The following ULK4 variants were observed in gnomAD, a reference collection of about 807,000 sequenced individuals.
The protein encoded by ULK4 is inactive serine/threonine-protein kinase ULK4.
ULK4 carries 133 observed loss-of-function variants against 160.6 expected under a neutral mutation model. That is an observed-to-expected ratio of 0.83 (90% CI 0.72 to 0.96). The LOEUF (loss-of-function observed/expected upper bound fraction) is 0.96. Among genes scored for constraint, ULK4 ranks in the 40% least tolerant of loss-of-function variants. The probability of loss-of-function intolerance (pLI) is 0.00; values close to 1 mark genes in which losing one functional copy is unlikely to be tolerated. For synonymous variants in ULK4, 534 were observed against 539.8 expected (o/e 0.99, Z 0.15); for missense variants, 1,580 against 1,499.5 (o/e 1.05, Z -0.89).
rs1002008237 is a variant in ULK4, at chr3:41,848,749, C to T, written c.1657-12778G>A. Reference sequence around the variant, plus strand: ...CCTCAGGAGCTGCCAGGTCCAGCTGCCAGGAATAGCAGACTATTCCAATCT... The same window carrying T: ...CCTCAGGAGCTGCCAGGTCCAGCTGTCAGGAATAGCAGACTATTCCAATCT... On this transcript the variant is annotated intron_variant, in intron 17 of 36. Coordinates refer to ENST00000301831, the MANE Select transcript of ULK4 (RefSeq NM_017886.4). 3.9e-5 allele frequency among the ~76,000 whole-genome samples: 6 copies of T among 152,174 alleles called. No homozygotes were observed. In the East Asian group the frequency reaches 1.2e-3, roughly 29 times the overall value.
At chr3:41,528,992 A>T (rs1283872719) in intron 32 of ULK4, among the ~76,000 whole-genome samples, 1 of 152,192 alleles carries the variant, frequency 6.6e-6, no homozygotes, top group East Asian at 1.9e-4. Context: ...AAGTTAACAA[A>T]AAGATTCCTT....
chr3:41,804,733 A>C (rs1298994842), intron 19 of ULK4, among the ~76,000 whole-genome samples: 1 of 152,212 alleles, frequency 6.6e-6, no homozygotes, highest in Non-Finnish European at 1.5e-5. Flanking sequence ...CATTTATTAA[A>C]TAGGGAATGC....
intron 32 of ULK4, among the ~76,000 whole-genome samples, chr3:41,535,340 C>T (rs1387822488): frequency 6.6e-6 from 1 of 152,164 alleles, no homozygotes; most frequent in East Asian, 1.9e-4. Flanking sequence ...AGAATTCAGC[C>T]TTATGACAAC....
chr3:41,864,343 G>A (rs1308532594), intron 17 of ULK4, among the ~76,000 whole-genome samples: 5 of 145,282 alleles, frequency 3.4e-5, no homozygotes, highest in African/African-American at 1.3e-4. Flanking sequence ...TGGCAATTCA[G>A]AACTGTTTTG....
intron 34 of ULK4, among the ~76,000 whole-genome samples, chr3:41,413,894 T>C (rs1022054151): frequency 9.9e-5 from 15 of 152,222 alleles, no homozygotes; most frequent in Admixed American, 9.2e-4. Context: ...GATAAAAAAA[T>C]CATTTTTAGT....
At chr3:41,343,136 C>T (rs1443154183) in intron 35 of ULK4, among the ~76,000 whole-genome samples, 1 of 152,060 alleles carries the variant, frequency 6.6e-6, no homozygotes, top group Non-Finnish European at 1.5e-5. Flanking sequence ...CCCTCTCTCA[C>T]CACTCCTATT....
intron 35 of ULK4, among the ~76,000 whole-genome samples, chr3:41,308,262 C>T (rs1175897863): frequency 6.6e-6 from 1 of 152,068 alleles, no homozygotes; most frequent in Admixed American, 6.6e-5. Flanking sequence ...GAGTAATACC[C>T]TTAGGGTACC....
chr3:41,367,886 C>A (rs1444982652), intron 35 of ULK4, among the ~76,000 whole-genome samples: 1 of 151,976 alleles, frequency 6.6e-6, no homozygotes, highest in Non-Finnish European at 1.5e-5. Flanking sequence ...TGCAGGTATA[C>A]ACATATGCAT....
intron 35 of ULK4, among the ~76,000 whole-genome samples, chr3:41,331,343 T>G (rs561631301): frequency 5.9e-5 from 9 of 152,316 alleles, no homozygotes; most frequent in African/African-American, 2.2e-4. Flanking sequence ...TCTAAGGTTC[T>G]CGACAGCTAA....
intron 27 of ULK4, among the ~76,000 whole-genome samples, chr3:41,698,338 G>A (rs2036565937): frequency 6.6e-6 from 1 of 152,030 alleles, no homozygotes; most frequent in South Asian, 2.1e-4. Flanking sequence ...CATTGCCCAA[G>A]CTGGCCTTGA....
intron 34 of ULK4, among the ~76,000 whole-genome samples, chr3:41,403,438 C>T (rs916626741): frequency 2.0e-5 from 3 of 152,188 alleles, no homozygotes; most frequent in Admixed American, 2.0e-4. Context: ...TATACACTGA[C>T]ATCTCTTGTT....
intron 22 of ULK4, among the ~76,000 whole-genome samples, chr3:41,743,586 T>C (rs2038315827): frequency 6.6e-6 from 1 of 152,028 alleles, no homozygotes; most frequent in Non-Finnish European, 1.5e-5. Context: ...ATTTCTTAAA[T>C]CATATTTGAT....
chr3:41,498,666 G>A (rs1356941591), intron 32 of ULK4, among the ~76,000 whole-genome samples: 2 of 151,418 alleles, frequency 1.3e-5, no homozygotes, highest in Non-Finnish European at 2.9e-5. Flanking sequence ...CACGATCTCA[G>A]CCCACTGCAA....
At chr3:41,272,909 A>G (rs1010986010) in intron 35 of ULK4, among the ~76,000 whole-genome samples, 1 of 152,132 alleles carries the variant, frequency 6.6e-6, no homozygotes, top group African/African-American at 2.4e-5. Flanking sequence ...TTTCATTTCT[A>G]AAAGTTTTCC....
At chr3:41,935,209 A>ATTTTT (rs10524611) in intron 4 of ULK4, among the ~76,000 whole-genome samples, 8 of 135,606 alleles carry the variant, frequency 5.9e-5, no homozygotes, top group African/African-American at 2.0e-4. Context: ...TTATTTATTT[A>ATTTTT]TTTTTTTTTT....
At chr3:41,902,059 A>T (rs1236203881) in intron 12 of ULK4, among the ~76,000 whole-genome samples, 1 of 152,152 alleles carries the variant, frequency 6.6e-6, no homozygotes, top group African/African-American at 2.4e-5. Context: ...GTATTTCCCA[A>T]CAGGGAAAAA....
At chr3:41,824,603 C>A (rs1490559261) in intron 18 of ULK4, among the ~76,000 whole-genome samples, 1 of 152,172 alleles carries the variant, frequency 6.6e-6, no homozygotes, top group Non-Finnish European at 1.5e-5. Flanking sequence ...TGCAAGGCAG[C>A]AGCGATGCTG....
chr3:41,305,654 G>A (rs1186139039), intron 35 of ULK4, among the ~76,000 whole-genome samples: 1 of 151,912 alleles, frequency 6.6e-6, no homozygotes, highest in Non-Finnish European at 1.5e-5. Flanking sequence ...CGTCTGGGAA[G>A]TGAGGAGCGT....
chr3:41,589,595 T>C (rs899560499), intron 31 of ULK4, among the ~76,000 whole-genome samples: 5 of 152,130 alleles, frequency 3.3e-5, no homozygotes, highest in African/African-American at 1.2e-4. Context: ...TAATTCAGAA[T>C]GGCAATGCCT....
Sources: gnomAD v4.1 joint callset for allele counts (sites outside exome capture counted in the v4.1 genomes callset) on GRCh38, gnomAD v4.1.1 for gene constraint, MANE v1.5 for transcripts, NCBI Gene and HGNC (gene_info 2026-07-23, HGNC 2026-07-21) for gene names.